The following TENM1 variants were observed in gnomAD, a reference collection of about 807,000 sequenced individuals.
TENM1 encodes teneurin-1.
Under a neutral mutation model 174.8 loss-of-function variants are expected in TENM1, and 35 were observed. The ratio of observed to expected loss-of-function variants is 0.20; its 90% CI spans 0.15 to 0.27. The LOEUF is 0.27. TENM1 is among the 10% of genes least tolerant of loss of function. The pLI is 1.00. For synonymous variants in TENM1, 781 were observed against 798.7 expected, an observed-to-expected ratio of 0.98 and a Z score of 0.37; for missense variants, 1,633 against 2,130.1, an observed-to-expected ratio of 0.77 and a Z score of 4.59.
intron 1 of TENM1, among the ~76,000 whole-genome samples, chrX:124,935,766 A>C (rs980018702): frequency 1.8e-5 from 2 of 112,555 alleles, no homozygotes; most frequent in Non-Finnish European, 3.8e-5. Flanking sequence ...AGTATCTAAA[A>C]ATGAAAATAT....
chrX:124,754,681 T>C (rs1473064763), intron 3 of TENM1, among the ~76,000 whole-genome samples: 1 of 109,788 alleles, frequency 9.1e-6, no homozygotes, highest in Admixed American at 9.7e-5. Context: ...GATTCTGGTA[T>C]GTTGTGTCTT....
At chrX:125,058,920 G>GT in the TENM1 span, among the ~76,000 whole-genome samples, 2 of 109,520 alleles carry the variant, frequency 1.8e-5, no homozygotes, top group Admixed American at 2.0e-4. Flanking sequence ...AAATTCAATG[G>GT]TTTTTAGTGT....
At chrX:125,047,565 T>G in the TENM1 span, among the ~76,000 whole-genome samples, 3,304 of 111,252 alleles carry the variant, frequency 0.03, 133 homozygotes, top group African/African-American at 0.1. Flanking sequence ...AAATTAGAGG[T>G]AATTAAAACT....
chrX:125,122,421 T>C, the TENM1 span, among the ~76,000 whole-genome samples: 2 of 111,291 alleles, frequency 1.8e-5, no homozygotes, highest in Admixed American at 1.9e-4. Context: ...TCTAGATCAT[T>C]TCGATCAATA....
chrX:125,001,216 TCTAA>T, the TENM1 span, among the ~76,000 whole-genome samples: 1,286 of 111,170 alleles, frequency 0.012, 19 homozygotes, highest in African/African-American at 0.039. Flanking sequence ...GCCCCTCTAT[TCTAA>T]CTTACAAGGT....
chrX:125,059,410 A>G, the TENM1 span, among the ~76,000 whole-genome samples: 1 of 111,671 alleles, frequency 9.0e-6, no homozygotes, highest in African/African-American at 3.2e-5. Flanking sequence ...GCAAATTGAC[A>G]TATCTATCAT....
At chrX:125,185,463 C>T in the TENM1 span, among the ~76,000 whole-genome samples, 1 of 112,002 alleles carries the variant, frequency 8.9e-6, no homozygotes, top group African/African-American at 3.2e-5. Flanking sequence ...TTATGAGGTA[C>T]AGACACAAGC....
At chrX:124,786,822 G>A (rs1466650388) in intron 3 of TENM1, among the ~76,000 whole-genome samples, 1 of 111,189 alleles carries the variant, frequency 9.0e-6, no homozygotes, top group Non-Finnish European at 1.9e-5. Context: ...TCCATGATAA[G>A]GCAAAAAGCA....
the TENM1 span, among the ~76,000 whole-genome samples, chrX:125,157,914 A>G: frequency 1.8e-5 from 2 of 111,535 alleles, no homozygotes; most frequent in Non-Finnish European, 3.8e-5. Context: ...GGACTATTCA[A>G]TCTTCTTCAG....
intron 5 of TENM1, among the ~76,000 whole-genome samples, chrX:124,691,788 TTG>T (rs2052530169): frequency 9.0e-6 from 1 of 111,722 alleles, no homozygotes; most frequent in Non-Finnish European, 1.9e-5. Context: ...ATTTCCTTTC[TTG>T]TGTTTTCTTT....
intron 3 of TENM1, among the ~76,000 whole-genome samples, chrX:124,795,992 C>T (rs1419295276): frequency 1.8e-5 from 2 of 111,166 alleles, no homozygotes; most frequent in African/African-American, 6.5e-5. Context: ...TCTAATAATA[C>T]TCTAATGATG....
At chrX:124,972,043 G>T in the TENM1 span, among the ~76,000 whole-genome samples, 8 of 109,591 alleles carry the variant, frequency 7.3e-5, no homozygotes, top group South Asian at 2.9e-3. Flanking sequence ...GAACAGCCTG[G>T]CCAACATGGT....
chrX:125,121,908 T>G, the TENM1 span, among the ~76,000 whole-genome samples: 1 of 111,317 alleles, frequency 9.0e-6, no homozygotes, highest in Admixed American at 9.5e-5. Flanking sequence ...CCCCATGTCT[T>G]AGAAAATTTA....
intron 3 of TENM1, among the ~76,000 whole-genome samples, chrX:124,762,684 CATT>C (rs947214850): frequency 9.0e-6 from 1 of 111,435 alleles, no homozygotes; most frequent in Non-Finnish European, 1.9e-5. Flanking sequence ...TCATCATTCT[CATT>C]ATAAGATGTG....
exon 22 of TENM1, chrX:124,481,876 T>G (rs2046853221): frequency 8.3e-7 from 1 of 1,207,201 alleles, no homozygotes; most frequent in Non-Finnish European, 1.1e-6. Context: ...GATTTCAACT[T>G]GTAGACTTTG....
chrX:125,060,159 C>CCT, the TENM1 span, among the ~76,000 whole-genome samples: 542 of 96,820 alleles, frequency 5.6e-3, 2 homozygotes, highest in African/African-American at 0.012. Context: ...CTCTCTCTCT[C>CCT]CTCTCTCTCT....
intron 11 of TENM1, among the ~76,000 whole-genome samples, chrX:124,611,368 T>C (rs2050273715): frequency 8.9e-6 from 1 of 111,743 alleles, no homozygotes; most frequent in African/African-American, 3.3e-5. Flanking sequence ...GATAAAACAA[T>C]TGGGATCTTG....
chrX:124,988,823 G>A, the TENM1 span, among the ~76,000 whole-genome samples: 1 of 111,288 alleles, frequency 9.0e-6, no homozygotes, highest in Non-Finnish European at 1.9e-5. Flanking sequence ...AATAAGTACA[G>A]AAAAACATTT....
intron 1 of TENM1, among the ~76,000 whole-genome samples, chrX:124,942,623 G>T (rs768493333): frequency 9.0e-6 from 1 of 111,535 alleles, no homozygotes; most frequent in Admixed American, 9.5e-5. Flanking sequence ...AAAAAGAAAT[G>T]GTAATGTAAT....
Sources: allele counts gnomAD v4.1 joint callset (sites outside exome capture counted in the v4.1 genomes callset), GRCh38; gene constraint gnomAD v4.1.1; transcripts MANE v1.5; gene names NCBI Gene and HGNC (gene_info 2026-07-23, HGNC 2026-07-21).